Variants in INTS3 observed in about 807,000 individuals in gnomAD.
The protein encoded by INTS3 is SOSS complex subunit A.
A neutral mutation model predicts 146.3 loss-of-function variants in INTS3; 34 were observed. The ratio of observed to expected loss-of-function variants is 0.23; its 90% CI spans 0.18 to 0.31. The LOEUF (loss-of-function observed/expected upper bound fraction) is 0.31, where lower values mean the gene tolerates loss of function less well. Among genes scored for constraint, INTS3 ranks in the 10% least tolerant of loss-of-function variants. INTS3 has a pLI of 1.00. For missense variants in INTS3, 757 were observed against 1,304.2 expected (o/e 0.58, Z 6.46); for synonymous variants, 475 against 494.9 (o/e 0.96, Z 0.53).
At chr1:153,740,051 G>A (rs987597790) in intron 1 of INTS3, among the ~76,000 whole-genome samples, 8 of 148,172 alleles carry the variant, frequency 5.4e-5, no homozygotes, top group Admixed American at 2.0e-4. Flanking sequence ...CACCTGCCTC[G>A]GCCTCCCAAA....
intron 3 of INTS3, among the ~76,000 whole-genome samples, chr1:153,745,092 ATAT>A (rs920692204): frequency 2.0e-5 from 3 of 151,442 alleles, no homozygotes; most frequent in African/African-American, 7.3e-5. Context: ...ACATATATAT[ATAT>A]TATTGTTGTT....
intron 9 of INTS3, among the ~76,000 whole-genome samples, chr1:153,755,503 A>C (rs1241521144): frequency 6.6e-6 from 1 of 151,936 alleles, no homozygotes; most frequent in East Asian, 1.9e-4. Flanking sequence ...CAGGTGATCC[A>C]CCTGCCTCAG....
rs1323548902 is a variant in INTS3 at position 153,772,733 on chromosome 1, G to T, written c.2894+22G>T. The T allele has an allele frequency of 6.2e-7, 1 of 1,611,178 alleles. No homozygotes were observed. Among genetic ancestry groups the T allele is most frequent in the South Asian group, 1.1e-5 (1 of 90,902 alleles). On this transcript the variant is annotated intron_variant, in intron 28 of 29. Coordinates refer to ENST00000318967, the MANE Select transcript of INTS3 (RefSeq NM_023015.5). The surrounding 1 kb of genome is among the most constrained non-coding windows in gnomAD (Gnocchi z 4.6). The stretch of plus-strand genomic sequence containing the variant: ...TGAAGTGAGGCTCCTGCCACTTTGG[G>T]CCTTGGAAAGTAGTAGGGGAAAAGC...
In INTS3 at chr1:153,772,045, G is replaced by A; in HGVS notation, c.2720+82G>A. 2 of 1,377,112 alleles carry A rather than the reference G, an allele frequency of 1.5e-6. No individual in the cohort carries two copies. The highest frequency in any genetic ancestry group is 4.1e-5 in the Admixed American group (2 of 49,012). 85.3% of individuals were successfully genotyped at this position (1,377,112 alleles called of 1,614,324 possible). On this transcript the variant is annotated intron_variant, in intron 26 of 29. Coordinates refer to ENST00000318967, the MANE Select transcript of INTS3 (RefSeq NM_023015.5). This position sits in a 1 kb window ranked among gnomAD's most constrained non-coding sequence, Gnocchi z 4.6. ...CGGTGGTGGTGGTGGTGGTGGTGGT[G>A]GTGGTGATGGGGGTCAGTGCTGTCC...
Position 153,772,908 on chromosome 1 carries a change from C to T in INTS3, c.2895-17C>T, listed in dbSNP as rs1264654390. On this transcript the variant is annotated splice_polypyrimidine_tract_variant and intron_variant, in intron 28 of 29. Coordinates refer to ENST00000318967, the MANE Select transcript of INTS3 (RefSeq NM_023015.5). This position sits in a 1 kb window ranked among gnomAD's most constrained non-coding sequence, Gnocchi z 4.6. Reference sequence around the variant, plus strand: ...CAGCAGGCTCCCACTCAAAGAGCTACCGCTCCTTTTCCTTAGATTCAGTGA... The same window carrying T: ...CAGCAGGCTCCCACTCAAAGAGCTATCGCTCCTTTTCCTTAGATTCAGTGA... 23 of 1,613,822 alleles carry T rather than the reference C, an allele frequency of 1.4e-5. No individual in the cohort carries two copies. Among genetic ancestry groups the T allele is most frequent in the Non-Finnish European group, 1.9e-5 (22 of 1,179,928 alleles).
In INTS3 at chr1:153,740,693, G is replaced by T; in HGVS notation, c.193G>T (p.Gly65Cys). ...GAGCATTGTGACATCGATGACTGCT[G>T]GTGTCTCGGAGAGAGAAGCCAATGA... is the stretch of plus-strand genomic sequence containing the variant. ...CMSIVTSMTAGVSEREANDAL... is the reference protein window; with the variant it reads ...CMSIVTSMTACVSEREANDAL... The change falls in exon 2 of 30, where the codon GGT becomes TGT. Residue 65 changes from glycine to cysteine, a missense_variant. By Grantham distance (159) the Gly-to-Cys change is radical. Transcript: ENST00000318967. 1 of 1,614,088 alleles carries T rather than the reference G, an allele frequency of 6.2e-7. No homozygotes were observed. Among genetic ancestry groups the T allele is most frequent in the Non-Finnish European group, 8.5e-7 (1 of 1,179,982 alleles).
At chr1:153,747,159 A>C in intron 4 of INTS3, 89 bp downstream of exon 4, 2 of 1,249,936 alleles carry the variant, frequency 1.6e-6, no homozygotes, top group Non-Finnish European at 2.3e-6. Flanking sequence ...AATCAGGGCT[A>C]ACACACCCCT....
chr1:153,729,108 A>T (rs1435544503), intron 1 of INTS3, among the ~76,000 whole-genome samples: 1 of 152,152 alleles, frequency 6.6e-6, no homozygotes, highest in Non-Finnish European at 1.5e-5. Context: ...TTTACTATCA[A>T]CCCTGTTTCA....
Position 153,762,828 on chromosome 1 carries a change from A to G in INTS3, c.1617A>G (p.Glu539=), listed in dbSNP as rs758493521. The G allele has an allele frequency of 2.5e-6, 4 of 1,614,172 alleles. No homozygotes were observed. The highest frequency in any genetic ancestry group is 3.4e-6 in the Non-Finnish European group (4 of 1,180,028). ...CAGAGGCAGCCTTCAGTGACGATGA[A>G]GAGGATCTCAACAGCAAAGGTGAGG... ...DNAEAAFSDD[E]EDLNSKGKKR... The change falls in exon 15 of 30, where the codon GAA becomes GAG. Residue 539 remains glutamate, a synonymous_variant. Transcript: ENST00000318967.
At chr1:153,732,128 C>G (rs1024728019) in intron 1 of INTS3, among the ~76,000 whole-genome samples, 2 of 151,954 alleles carry the variant, frequency 1.3e-5, no homozygotes, top group Non-Finnish European at 2.9e-5. Flanking sequence ...GTCTCGAACT[C>G]CTGACCTCAG....
At chr1:153,733,194 ATGCTT>A (rs1671149829) in intron 1 of INTS3, among the ~76,000 whole-genome samples, 1 of 102,350 alleles carries the variant, frequency 9.8e-6, no homozygotes, top group African/African-American at 3.6e-5. Context: ...TATTTACCGA[ATGCTT>A]TTTTTTTTTT....
At position 153,757,848 on chromosome 1, in the gene INTS3, A is replaced by T. The variant is rs1238107181; in HGVS notation, c.1149+85A>T. On this transcript the variant is annotated intron_variant, in intron 10 of 29. Coordinates refer to ENST00000318967, the MANE Select transcript of INTS3 (RefSeq NM_023015.5). The surrounding 1 kb of genome is among the most constrained non-coding windows in gnomAD (Gnocchi z 4.0). ...CATTCTTCTTCCTGACTCCAGGGCCACTTGACCCCTAAGGGCCCTTCTTTC... is the reference window on the plus strand; with the variant it reads ...CATTCTTCTTCCTGACTCCAGGGCCTCTTGACCCCTAAGGGCCCTTCTTTC... The T allele has an allele frequency of 1.7e-6, 2 of 1,151,186 alleles. No individual in the cohort carries two copies. The highest frequency in any genetic ancestry group is 3.0e-5 in the African/African-American group (2 of 65,716). 71.3% of individuals were successfully genotyped at this position (1,151,186 alleles called of 1,614,324 possible).
rs35008806 is a variant in INTS3, at chr1:153,742,478, C to CTGTGTGTGTGTGTGTGTGTGTGTG, written c.318+1117_318+1140dup. On this transcript the variant is annotated intron_variant, in intron 3 of 29. Transcript: ENST00000318967. ...TCCTCTTGTGTGGGTTTTTTAATCT[C>CTGTGTGTGTGTGTGTGTGTGTGTG]TGTGTGTGTGTGTGTGTGTGTGTGT... is the stretch of plus-strand genomic sequence containing the variant. 3.1e-3 allele frequency among the ~76,000 whole-genome samples: 464 copies of CTGTGTGTGTGTGTGTGTGTGTGTG among 147,514 alleles called. 2 individuals carry two copies. Among genetic ancestry groups the CTGTGTGTGTGTGTGTGTGTGTGTG allele is most frequent in the African/African-American group, 0.01 (416 of 39,732 alleles).
chr1:153,752,080 T>C (rs1671978985), intron 7 of INTS3, 199 bp from the exon 8 acceptor site: 2 of 605,930 alleles, frequency 3.3e-6, no homozygotes, highest in Non-Finnish European at 5.8e-6. Context: ...CTCTCATCCT[T>C]GATATCAGTC....
intron 4 of INTS3, 99 bp downstream of exon 4, chr1:153,747,169 T>C (rs41302547): frequency 0.049 from 60,712 of 1,235,494 alleles, 1,812 homozygotes; most frequent in Middle Eastern, 0.072. Context: ...AACACACCCC[T>C]ATCATTGTGT....
chr1:153,772,100 TCCGAAGC>T lies in INTS3; in HGVS notation c.2720+139_2720+145del. On this transcript the variant is annotated intron_variant, in intron 26 of 29. Transcript: ENST00000318967. This position sits in a 1 kb window ranked among gnomAD's most constrained non-coding sequence, Gnocchi z 4.6. ...CTGGTTTGTGGGCGACATCTAGTGG[TCCGAAGC>T]CACATGGCATGCGAGACCACCGTGG... is the stretch of plus-strand genomic sequence containing the variant. 2 of 1,038,638 alleles carry T rather than the reference TCCGAAGC, an allele frequency of 1.9e-6. No homozygotes were observed. The highest frequency in any genetic ancestry group is 2.8e-6 in the Non-Finnish European group (2 of 723,136). 64.3% of individuals were successfully genotyped at this position (1,038,638 alleles called of 1,614,324 possible). A position where few individuals can be genotyped will look rare whatever the true frequency, so the allele number is the denominator to read the frequency against.
At chr1:153,744,349 GTC>G (rs575292534) in intron 3 of INTS3, among the ~76,000 whole-genome samples, 20 of 152,274 alleles carry the variant, frequency 1.3e-4, no homozygotes, top group Admixed American at 1.3e-3. Context: ...AGTTAGTAAT[GTC>G]TGTCTTTGGC....
intron 1 of INTS3, among the ~76,000 whole-genome samples, chr1:153,736,305 G>T (rs1671281798): frequency 6.6e-6 from 1 of 152,174 alleles, no homozygotes; most frequent in African/African-American, 2.4e-5. Flanking sequence ...GCTTATTTTA[G>T]CTTGAAGTTT....
rs770166375 is a variant in INTS3, at chr1:153,763,414, A to G, written c.1766+52A>G. On this transcript the variant is annotated intron_variant, in intron 16 of 29. Transcript: ENST00000318967. The stretch of plus-strand genomic sequence containing the variant: ...CAGGAGGTTCAGCCCCAGGCTCTCT[A>G]CCTGGTGCTTAATGGGTATAGCAGG... 7 of 1,598,808 alleles carry G rather than the reference A, an allele frequency of 4.4e-6. No homozygotes were observed. In the Admixed American group the frequency reaches 1.2e-4, roughly 27 times the overall value.
Sources: gnomAD v4.1 joint callset for allele counts (sites outside exome capture counted in the v4.1 genomes callset) on GRCh38, gnomAD v4.1.1 for gene constraint, Gnocchi (gnomAD v3.1) non-coding constraint, MANE v1.5 for transcripts, NCBI Gene and HGNC (gene_info 2026-07-23, HGNC 2026-07-21) for gene names.